Variants in FARSA observed in about 807,000 individuals in gnomAD.
FARSA encodes the protein phenylalanyl-tRNA synthetase subunit alpha.
FARSA carries 37 observed loss-of-function variants against 63.2 expected under a neutral mutation model. The observed-to-expected ratio is 0.59, with a 90% CI of 0.45 to 0.77. FARSA has a LOEUF of 0.77. FARSA is among the 30% of genes least tolerant of loss of function. The pLI is 0.00. For synonymous variants in FARSA, 312 were observed against 285.1 expected (o/e 1.09, Z -0.95); for missense variants, 618 against 696.6 (o/e 0.89, Z 1.27).
intron 12 of FARSA, among the ~76,000 whole-genome samples, chr19:12,923,327 A>C (rs1047631979): frequency 2.0e-5 from 3 of 152,032 alleles, no homozygotes; most frequent in African/African-American, 7.3e-5. Context: ...ACAGAGTCTC[A>C]CTCTGTAACC....
In FARSA at chr19:12,924,960, G is replaced by T; in HGVS notation, c.970C>A (p.Leu324Met). 1 of 1,614,252 alleles carries T rather than the reference G, an allele frequency of 6.2e-7. No individual in the cohort carries two copies. The highest frequency in any genetic ancestry group is 1.1e-5 in the South Asian group (1 of 91,088). Residue 324 changes from leucine (L) to methionine (M), a missense_variant, in exon 9 of 13, where the codon CTG becomes ATG. Physicochemically the swap from Leu to Met is conservative, Grantham distance 15. Coordinates refer to ENST00000314606, the MANE Select transcript of FARSA (RefSeq NM_004461.3). This position sits in a 1 kb window ranked among gnomAD's most constrained non-coding sequence, Gnocchi z 6.4. ...WKLDEARKNL[L>M]RTHTTSASAR... ...CTGGCTGATGTGGTGTGGGTTCGCA[G>T]TAGGTTTTTCCGGGCCTCGTCCAGC...
chr19:12,927,176 C>CT (rs1226198183), intron 7 of FARSA, among the ~76,000 whole-genome samples: 1 of 152,212 alleles, frequency 6.6e-6, no homozygotes, highest in Non-Finnish European at 1.5e-5. Context: ...GCTGGCCTGT[C>CT]TCTGGTGACA....
intron 7 of FARSA, 151 bp downstream of exon 7, chr19:12,928,191 T>C (rs950199912): frequency 1.6e-6 from 1 of 618,494 alleles, no homozygotes; most frequent in African/African-American, 1.8e-5. Context: ...GCAATCCTCC[T>C]GCCTTGGCCT....
At position 12,933,648 on chromosome 19, in the gene FARSA, ACGCCTCCAGC is replaced by A; in HGVS notation, c.39_48del (p.Glu15MetfsTer24). The A allele has an allele frequency of 6.4e-7, 1 of 1,565,608 alleles. No individual in the cohort carries two copies. Among genetic ancestry groups the A allele is most frequent in the Non-Finnish European group, 8.6e-7 (1 of 1,159,522 alleles). ...TCGGCGCTGTCCAGGCCGCCATCAG[ACGCCTCCAGC>A]CGCCGGAGCAGCAGTTCCGCCACCT... On this transcript the variant is annotated frameshift_variant, in exon 1 of 13. Transcript: ENST00000314606. LOFTEE classifies it high-confidence loss of function.
Position 12,924,686 on chromosome 19 carries a change from G to C in FARSA, c.1148C>G (p.Thr383Ser). Residue 383 changes from threonine to serine, a missense_variant, in exon 10 of 13, where the codon ACC (threonine) becomes AGC (serine). Physicochemically the swap from Thr to Ser is moderately conservative, Grantham distance 58. Coordinates refer to ENST00000314606, the MANE Select transcript of FARSA (RefSeq NM_004461.3). This position sits in a 1 kb window ranked among gnomAD's most constrained non-coding sequence, Gnocchi z 6.4. ...IEGVVADHGL[T>S]LGHLMGVLRE... Reference sequence around the variant, plus strand: ...CAGAACGCCCATGAGGTGGCCCAAGGTGAGACCATGATCCGCCACCACGCC... The same window carrying C: ...CAGAACGCCCATGAGGTGGCCCAAGCTGAGACCATGATCCGCCACCACGCC... 1 of 1,592,464 alleles carries C rather than the reference G, an allele frequency of 6.3e-7. No homozygotes were observed. The highest frequency in any genetic ancestry group is 8.6e-7 in the Non-Finnish European group (1 of 1,166,924).
chr19:12,924,115 C>T lies in FARSA; in HGVS notation c.1388+36G>A. 6.5e-7 allele frequency: 1 copy of T among 1,533,806 alleles called. No individual in the cohort carries two copies. Among genetic ancestry groups the T allele is most frequent in the Non-Finnish European group, 9.0e-7 (1 of 1,106,700 alleles). On this transcript the variant is annotated intron_variant, in intron 12 of 12. Transcript: ENST00000314606. This position sits in a 1 kb window ranked among gnomAD's most constrained non-coding sequence, Gnocchi z 6.4. ...CCTATACCTGGAGAGTTATTTGAGG[C>T]AGCTGGACACCCCGAGTTTCCACTT...
chr19:12,933,374 C>G lies in FARSA; in HGVS notation c.147+176G>C. 4 of 673,362 alleles carry G rather than the reference C, an allele frequency of 5.9e-6. No individual in the cohort carries two copies. The South Asian group carries it at 8.0e-5, about 13-fold the overall frequency. The allele number at this position is 673,362 out of a possible 1,614,324, so 41.7% of individuals were successfully genotyped here. A position where few individuals can be genotyped will look rare whatever the true frequency, so the allele number is the denominator to read the frequency against. On this transcript the variant is annotated intron_variant, in intron 1 of 12. Coordinates refer to ENST00000314606, the MANE Select transcript of FARSA (RefSeq NM_004461.3). ...CAATAAACGTTTATTGCATGAGGAA[C>G]ATCCGTGCGTCTGGGCCCTCACTCG...
chr19:12,933,368 G>A, intron 1 of FARSA, 182 bp downstream of exon 1: 1 of 657,544 alleles, frequency 1.5e-6, no homozygotes, highest in South Asian at 2.0e-5. Flanking sequence ...TTTATTGCAT[G>A]AGGAACATCC....
rs530592248 is a variant in FARSA, at chr19:12,932,028, C to T, written c.148-1279G>A. Among the ~76,000 whole-genome samples the T allele has an allele frequency of 3.6e-4, 54 of 148,324 alleles. 1 individual carries two copies. The highest frequency in any genetic ancestry group is 1.3e-3 in the African/African-American group (52 of 41,058). On this transcript the variant is annotated intron_variant, in intron 1 of 12. Coordinates refer to ENST00000314606, the MANE Select transcript of FARSA (RefSeq NM_004461.3). ...TATAGTGCCTACCACGTGACAAACA[C>T]TGCATAAATTTTTTTTTTTTTTTTT...
chr19:12,922,557 A>C lies in FARSA; in HGVS notation c.*191T>G. ...GGCCCACCCTCACAGTAGACACACC[A>C]CACAGGACAACAGAAGGAACCTGCT... On this transcript the variant is annotated 3_prime_UTR_variant, in exon 13 of 13. Coordinates refer to ENST00000314606, the MANE Select transcript of FARSA (RefSeq NM_004461.3). 1.5e-6 allele frequency: 1 copy of C among 675,788 alleles called. No homozygotes were observed. The highest frequency in any genetic ancestry group is 1.9e-5 in the South Asian group (1 of 52,284). 41.9% of individuals were successfully genotyped at this position (675,788 alleles called of 1,614,324 possible). A position where few individuals can be genotyped will look rare whatever the true frequency, so the allele number is the denominator to read the frequency against.
chr19:12,924,502 G>C lies in FARSA; in HGVS notation c.1220C>G (p.Pro407Arg). ...KLGITQLRFK[P>R]AYNPYTEPSM... ...GGGCTCTGTGTATGGGTTGTAGGCT[G>C]GCTTGAAGCGGAGTTGCGTGATACC... The change falls in exon 11 of 13, where the codon CCA becomes CGA. Residue 407 changes from proline to arginine, a missense_variant. Transcript: ENST00000314606. The surrounding 1 kb of genome is among the most constrained non-coding windows in gnomAD (Gnocchi z 6.4). The C allele has an allele frequency of 6.2e-7, 1 of 1,613,588 alleles. No homozygotes were observed.
At chr19:12,925,578 G>A (rs1354660214) in intron 7 of FARSA, among the ~76,000 whole-genome samples, 4 of 151,888 alleles carry the variant, frequency 2.6e-5, no homozygotes, top group Non-Finnish European at 4.4e-5. Flanking sequence ...GGGTGGTCTC[G>A]AACTCCTGAT....
intron 7 of FARSA, among the ~76,000 whole-genome samples, 187 bp downstream of exon 7, chr19:12,928,155 A>G (rs926294084): frequency 2.6e-5 from 4 of 151,830 alleles, no homozygotes; most frequent in Non-Finnish European, 4.4e-5. Context: ...ATGTTGCCTG[A>G]GCTGGATTTG....
intron 7 of FARSA, among the ~76,000 whole-genome samples, chr19:12,926,141 G>C (rs1200165012): frequency 6.8e-6 from 1 of 147,146 alleles, no homozygotes; most frequent in African/African-American, 2.5e-5. Flanking sequence ...GCTAATTTTT[G>C]TATTTTTAGT....
Position 12,928,800 on chromosome 19 carries a change from C to A in FARSA, c.551G>T (p.Ser184Ile). The change falls in exon 5 of 13, where the codon AGC becomes ATC. Residue 184 changes from serine (S) to isoleucine (I), a missense_variant. By Grantham distance (142) the Ser-to-Ile change is moderately radical. Transcript: ENST00000314606. Reference protein sequence around the residue: ...WVSKGSAFSTSISKQETELSP... With the variant: ...WVSKGSAFSTIISKQETELSP... ...CAGCTCTGTCTCTTGCTTGGAGATGCTGGTACTAAAGGCACTGCCTTTGCT... is the reference window on the plus strand; with the variant it reads ...CAGCTCTGTCTCTTGCTTGGAGATGATGGTACTAAAGGCACTGCCTTTGCT... 6.2e-7 allele frequency: 1 copy of A among 1,614,114 alleles called. No homozygotes were observed. Among genetic ancestry groups the A allele is most frequent in the South Asian group, 1.1e-5 (1 of 91,082 alleles).
At chr19:12,927,176 C>A (rs1282694465) in intron 7 of FARSA, among the ~76,000 whole-genome samples, 1 of 152,212 alleles carries the variant, frequency 6.6e-6, no homozygotes, top group Non-Finnish European at 1.5e-5. Flanking sequence ...GCTGGCCTGT[C>A]TCTGGTGACA....
intron 12 of FARSA, among the ~76,000 whole-genome samples, 182 bp from the exon 13 acceptor site, chr19:12,923,068 C>T (rs1188904507): frequency 6.6e-6 from 1 of 152,136 alleles, no homozygotes; most frequent in Non-Finnish European, 1.5e-5. Flanking sequence ...CCTCCTCACT[C>T]TTCTCCTAAT....
chr19:12,923,798 A>G (rs950446823), intron 12 of FARSA, among the ~76,000 whole-genome samples: 1 of 151,994 alleles, frequency 6.6e-6, no homozygotes, highest in Non-Finnish European at 1.5e-5. Flanking sequence ...TTCTTTGTAG[A>G]GGCGGAGACT....
Position 12,925,086 on chromosome 19 carries a change from T to C in FARSA, c.926+4A>G, listed in dbSNP as rs1971310946. Reference sequence around the variant, plus strand: ...CCTTCCATACCAGGTAAGTCCTGCCTCACCCCTGTGAGCCGTAGCCGCCCT... The same window carrying C: ...CCTTCCATACCAGGTAAGTCCTGCCCCACCCCTGTGAGCCGTAGCCGCCCT... On this transcript the variant is annotated splice_donor_region_variant and intron_variant, in intron 8 of 12. Transcript: ENST00000314606. 1 of 1,612,942 alleles carries C rather than the reference T, an allele frequency of 6.2e-7. No homozygotes were observed. The highest frequency in any genetic ancestry group is 1.7e-5 in the Admixed American group (1 of 59,906).
Sources: gnomAD v4.1 joint callset for allele counts (sites outside exome capture counted in the v4.1 genomes callset) on GRCh38, gnomAD v4.1.1 for gene constraint, Gnocchi (gnomAD v3.1) non-coding constraint, MANE v1.5 for transcripts, NCBI Gene and HGNC (gene_info 2026-07-23, HGNC 2026-07-21) for gene names.